The following ADAMTSL4 variants were observed in gnomAD, a reference collection of about 807,000 sequenced individuals.
ADAMTSL4 encodes the protein ADAMTS like 4, also known as ADAMTS-like protein 4.
ADAMTSL4 carries 97 observed loss-of-function variants against 122.8 expected under a neutral mutation model. The ratio of observed to expected loss-of-function variants is 0.79; its 90% CI spans 0.67 to 0.93. The LOEUF (loss-of-function observed/expected upper bound fraction) is 0.93. Ranked by LOEUF, ADAMTSL4 falls within the 40% of genes least tolerant of loss-of-function variation. The pLI, the probability that ADAMTSL4 is intolerant of heterozygous loss-of-function variation, is 0.00. For synonymous variants in ADAMTSL4, 592 were observed against 568.0 expected, an observed-to-expected ratio of 1.04 and a Z score of -0.60; for missense variants, 1,408 against 1,453.5, an observed-to-expected ratio of 0.97 and a Z score of 0.51.
Position 150,560,359 on chromosome 1 carries a change from C to A in ADAMTSL4, c.*163C>A. On this transcript the variant is annotated 3_prime_UTR_variant, in exon 19 of 19. Coordinates refer to ENST00000271643, the MANE Select transcript of ADAMTSL4 (RefSeq NM_019032.6). ...GACTGACACAAAGTGACTTTCAGGG[C>A]TGTGGTCAGGCCCATGTGGTGGTGT... 2 of 1,164,418 alleles carry A rather than the reference C, an allele frequency of 1.7e-6. No homozygotes were observed. The highest frequency in any genetic ancestry group is 2.4e-6 in the Non-Finnish European group (2 of 831,400). The allele number at this position is 1,164,418 out of a possible 1,614,324, so 72.1% of individuals were successfully genotyped here. A position where few individuals can be genotyped will look rare whatever the true frequency, so the allele number is the denominator to read the frequency against.
rs1672663979 is a variant in ADAMTSL4, at chr1:150,560,622, T to C, written c.*426T>C. On this transcript the variant is annotated 3_prime_UTR_variant, in exon 19 of 19. Transcript: ENST00000271643. ...TTTGTGCCCTAAGCCTCATTTCTCA[T>C]GTTCAGACCTCACATCTTCTAAGCC... 3 of 234,584 alleles carry C rather than the reference T, an allele frequency of 1.3e-5. No individual in the cohort carries two copies. The South Asian group carries it at 1.7e-4, about 13-fold the overall frequency. 14.5% of individuals were successfully genotyped at this position (234,584 alleles called of 1,614,324 possible). A position where few individuals can be genotyped will look rare whatever the true frequency, so the allele number is the denominator to read the frequency against.
At chr1:150,555,885 A>G (rs1401260880) in intron 8 of ADAMTSL4, 7 of 603,078 alleles carry the variant, frequency 1.2e-5, no homozygotes, top group Non-Finnish European at 2.1e-5. Flanking sequence ...ACATGCACAC[A>G]CACGTATTTG....
In ADAMTSL4 at chr1:150,552,371, C is replaced by T; in HGVS notation, c.20+63C>T. On this transcript the variant is annotated intron_variant, in intron 3 of 18. Coordinates refer to ENST00000271643, the MANE Select transcript of ADAMTSL4 (RefSeq NM_019032.6). The surrounding 1 kb of genome is among the most constrained non-coding windows in gnomAD (Gnocchi z 4.0). ...GGGAGGTGCTGGGATGGCTCTGTGT[C>T]TGGAAGTGAGGGAAAGGGGACCACT... 2 of 1,542,998 alleles carry T rather than the reference C, an allele frequency of 1.3e-6. No homozygotes were observed. Among genetic ancestry groups the T allele is most frequent in the East Asian group, 2.4e-5 (1 of 41,680 alleles).
chr1:150,556,810 G>C lies in ADAMTSL4; in HGVS notation c.1749+17G>C, dbSNP rs1672180181. 1 of 1,609,866 alleles carries C rather than the reference G, an allele frequency of 6.2e-7. No homozygotes were observed. The highest frequency in any genetic ancestry group is 1.4e-5 in the African/African-American group (1 of 73,686). ...GATGTCTATGTGAGCCTGGGGCCAG[G>C]GGCAGCTGAATGCTGGGGAGGGAGG... is the stretch of plus-strand genomic sequence containing the variant. On this transcript the variant is annotated intron_variant, in intron 10 of 18. Transcript: ENST00000271643. This position sits in a 1 kb window ranked among gnomAD's most constrained non-coding sequence, Gnocchi z 4.1.
At position 150,557,113 on chromosome 1, in the gene ADAMTSL4, G is replaced by A. The variant is rs137920125; in HGVS notation, c.1862-37G>A. ...GAGGCTGCAGGGCTGGCTCGGGGCA[G>A]TGGGGTGGCATCTGATTCGCCTGCT... On this transcript the variant is annotated intron_variant, in intron 11 of 18. Transcript: ENST00000271643. 2.0e-3 allele frequency: 3,150 copies of A among 1,613,232 alleles called. 3 individuals carry two copies. The highest frequency in any genetic ancestry group is 3.1e-3 in the Middle Eastern group (19 of 6,054).
At position 150,557,923 on chromosome 1, in the gene ADAMTSL4, C is replaced by G. The variant is rs750684320; in HGVS notation, c.2178-22C>G. The stretch of plus-strand genomic sequence containing the variant: ...ATCTCATCTATGTCTCCGCCTCTTC[C>G]CTGCCCTGCTGGTGCCTGCAGCTGG... On this transcript the variant is annotated intron_variant, in intron 13 of 18. Coordinates refer to ENST00000271643, the MANE Select transcript of ADAMTSL4 (RefSeq NM_019032.6). 9 of 1,600,310 alleles carry G rather than the reference C, an allele frequency of 5.6e-6. No individual in the cohort carries two copies. In the Admixed American group the frequency reaches 6.7e-5, roughly 12 times the overall value.
chr1:150,555,146 C>T (rs764869132), intron 7 of ADAMTSL4, among the ~76,000 whole-genome samples: 25 of 152,206 alleles, frequency 1.6e-4, no homozygotes, highest in Admixed American at 4.6e-4. Flanking sequence ...TGTGCCACCA[C>T]GCCTGGCTAA....
At position 150,552,383 on chromosome 1, in the gene ADAMTSL4, G is replaced by A; in HGVS notation, c.20+75G>A. 1.3e-6 allele frequency: 2 copies of A among 1,538,320 alleles called. No individual in the cohort carries two copies. Among genetic ancestry groups the A allele is most frequent in the Middle Eastern group, 1.7e-4 (1 of 5,968 alleles). Reference sequence around the variant, plus strand: ...GATGGCTCTGTGTCTGGAAGTGAGGGAAAGGGGACCACTGGGAGGGGCAGG... The same window carrying A: ...GATGGCTCTGTGTCTGGAAGTGAGGAAAAGGGGACCACTGGGAGGGGCAGG... On this transcript the variant is annotated intron_variant, in intron 3 of 18. Coordinates refer to ENST00000271643, the MANE Select transcript of ADAMTSL4 (RefSeq NM_019032.6). The surrounding 1 kb of genome is among the most constrained non-coding windows in gnomAD (Gnocchi z 4.0).
rs145240194 is a variant in ADAMTSL4, at chr1:150,553,665, C to G, written c.674C>G (p.Ser225Cys). ...ACAGAACTGTCTGTCCACACCCCAT[C>G]CCCCCAAGCAGAACCTCTAAGCCCT... is the stretch of plus-strand genomic sequence containing the variant. ...PPTELSVHTPSPQAEPLSPET... is the reference protein window; with the variant it reads ...PPTELSVHTPCPQAEPLSPET... Residue 225 changes from serine to cysteine, a missense_variant, in exon 6 of 19, where the codon TCC becomes TGC. Ser to Cys is a moderately radical substitution (Grantham distance 112). Coordinates refer to ENST00000271643, the MANE Select transcript of ADAMTSL4 (RefSeq NM_019032.6). The G allele has an allele frequency of 1.2e-6, 2 of 1,612,852 alleles. No homozygotes were observed. Among genetic ancestry groups the G allele is most frequent in the South Asian group, 1.1e-5 (1 of 91,008 alleles).
chr1:150,550,351 T>TGGGG, intron 2 of ADAMTSL4: 1 of 214,004 alleles, frequency 4.7e-6, no homozygotes, highest in Non-Finnish European at 9.1e-6. Flanking sequence ...CAGGGGAGGG[T>TGGGG]GGGGTGGGAC....
chr1:150,556,793 T>C lies in ADAMTSL4; in HGVS notation c.1749T>C (p.Tyr583=). The stretch of plus-strand genomic sequence containing the variant: ...CCACCACCCAGCCTGTGGATGTCTA[T>C]GTGAGCCTGGGGCCAGGGGCAGCTG... ...EGPTTQPVDV[Y]MIFQEENPGV... Residue 583 remains tyrosine, a splice_region_variant and synonymous_variant, in exon 10 of 19, where the codon TAT becomes TAC. Transcript: ENST00000271643. The surrounding 1 kb of genome is among the most constrained non-coding windows in gnomAD (Gnocchi z 4.1). The C allele has an allele frequency of 6.2e-7, 1 of 1,613,192 alleles. No homozygotes were observed. Among genetic ancestry groups the C allele is most frequent in the Non-Finnish European group, 8.5e-7 (1 of 1,179,378 alleles).
chr1:150,550,701 AGGGT>A (rs878972471), intron 2 of ADAMTSL4: 2 of 455,536 alleles, frequency 4.4e-6, no homozygotes, highest in South Asian at 3.1e-5. Flanking sequence ...CCGTTCAGTC[AGGGT>A]GGAGTTGCTG....
chr1:150,552,275 G>A lies in ADAMTSL4; in HGVS notation c.-14G>A, dbSNP rs367837114. 1.8e-4 allele frequency: 281 copies of A among 1,552,810 alleles called. No homozygotes were observed. The highest frequency in any genetic ancestry group is 2.2e-4 in the Non-Finnish European group (257 of 1,147,430). ...TCCGCTCCTGCCTCCCCCTGGGGCA[G>A]TAGAGGGGGAGCGATGGAGAACTGG... is the stretch of plus-strand genomic sequence containing the variant. On this transcript the variant is annotated 5_prime_UTR_variant, in exon 3 of 19. Transcript: ENST00000271643. This position sits in a 1 kb window ranked among gnomAD's most constrained non-coding sequence, Gnocchi z 4.0.
chr1:150,554,963 C>T lies in ADAMTSL4; in HGVS notation c.1235-466C>T, dbSNP rs1264853078. On this transcript the variant is annotated intron_variant, in intron 7 of 18. Transcript: ENST00000271643. This position sits in a 1 kb window ranked among gnomAD's most constrained non-coding sequence, Gnocchi z 4.0. ...CTCAGTTCAGAGTCCCCTTGATGGTCTCGGTGACCTCAACTGACCTGACCA... is the reference window on the plus strand; with the variant it reads ...CTCAGTTCAGAGTCCCCTTGATGGTTTCGGTGACCTCAACTGACCTGACCA... 6.6e-6 allele frequency among the ~76,000 whole-genome samples: 1 copy of T among 150,996 alleles called. No homozygotes were observed. The highest frequency in any genetic ancestry group is 1.5e-5 in the Non-Finnish European group (1 of 67,826).
At position 150,554,433 on chromosome 1, in the gene ADAMTSL4, G is replaced by A; in HGVS notation, c.1200G>A (p.Met400Ile). The change falls in exon 7 of 19, where the codon ATG becomes ATA. Residue 400 changes from methionine to isoleucine, a missense_variant. Met to Ile is a conservative substitution (Grantham distance 10). Transcript: ENST00000271643. The surrounding 1 kb of genome is among the most constrained non-coding windows in gnomAD (Gnocchi z 4.0). ...QCAAFNSQEF[M>I]GQLYQWEPFT... is the part of the protein sequence containing the mutation. ...CAGCCTTTAACTCCCAGGAATTCAT[G>A]GGCCAGCTGTATCAGTGGGAGCCCT... 1 of 1,614,140 alleles carries A rather than the reference G, an allele frequency of 6.2e-7. No homozygotes were observed. Among genetic ancestry groups the A allele is most frequent in the Non-Finnish European group, 8.5e-7 (1 of 1,180,016 alleles).
chr1:150,558,820 A>T lies in ADAMTSL4; in HGVS notation c.2560-142A>T, dbSNP rs587688975. 250 of 1,540,194 alleles carry T rather than the reference A, an allele frequency of 1.6e-4. No individual in the cohort carries two copies. The African/African-American group carries it at 2.2e-3, about 14-fold the overall frequency. ...AACTTCCATGAGGGGCCCGGCTAGGATTCCTCGTCCGGGCCTGGTACCCGG... is the reference window on the plus strand; with the variant it reads ...AACTTCCATGAGGGGCCCGGCTAGGTTTCCTCGTCCGGGCCTGGTACCCGG... On this transcript the variant is annotated intron_variant, in intron 15 of 18. Coordinates refer to ENST00000271643, the MANE Select transcript of ADAMTSL4 (RefSeq NM_019032.6).
At chr1:150,555,340 G>C in intron 7 of ADAMTSL4, 89 bp from the exon 8 acceptor site, 3 of 1,548,878 alleles carry the variant, frequency 1.9e-6, no homozygotes, top group Non-Finnish European at 1.8e-6. Context: ...ACAGTGACCT[G>C]GGCAACCTCA....
rs150944841 is a variant in ADAMTSL4 at position 150,553,201 on chromosome 1, C to T, written c.382C>T (p.Pro128Ser). ...GGGAAGGGGTGGCCCACTTCGAGGT[C>T]CCGCTTCCCACCTAGGGAGAGAGGA... ...SRGRGGPLRG[P>S]ASHLGREETQ... is the part of the protein sequence containing the mutation. Residue 128 changes from proline to serine, a missense_variant, in exon 5 of 19, where the codon CCC becomes TCC. Coordinates refer to ENST00000271643, the MANE Select transcript of ADAMTSL4 (RefSeq NM_019032.6). The T allele has an allele frequency of 1.4e-4, 223 of 1,606,636 alleles. No homozygotes were observed. The African/African-American group carries it at 2.7e-3, about 19-fold the overall frequency.
In ADAMTSL4 at chr1:150,559,667, C is replaced by CA; in HGVS notation, c.2944-93dup. ...TTTCACAATGTCCTAGGAGGGTCCCCACCACCACCTTTTGGGGAGAGAGGT... is the reference window on the plus strand; with the variant it reads ...TTTCACAATGTCCTAGGAGGGTCCCCAACCACCACCTTTTGGGGAGAGAGGT... On this transcript the variant is annotated intron_variant, in intron 17 of 18. Coordinates refer to ENST00000271643, the MANE Select transcript of ADAMTSL4 (RefSeq NM_019032.6). This position sits in a 1 kb window ranked among gnomAD's most constrained non-coding sequence, Gnocchi z 4.1. 6.2e-7 allele frequency: 1 copy of CA among 1,602,668 alleles called. No individual in the cohort carries two copies. The highest frequency in any genetic ancestry group is 8.5e-7 in the Non-Finnish European group (1 of 1,174,342).
Sources: gnomAD v4.1 joint callset for allele counts (sites outside exome capture counted in the v4.1 genomes callset) on GRCh38, gnomAD v4.1.1 for gene constraint, Gnocchi (gnomAD v3.1) non-coding constraint, MANE v1.5 for transcripts, NCBI Gene and HGNC (gene_info 2026-07-23, HGNC 2026-07-21) for gene names.